AGMO: variants seen among roughly 807,000 people sequenced by gnomAD.
AGMO encodes alkylglycerol monooxygenase.
AGMO carries 75 observed loss-of-function variants against 60.2 expected under a neutral mutation model. The observed-to-expected ratio is 1.25, with a 90% CI of 1.03 to 1.51. AGMO has a LOEUF of 1.51. Ranked by LOEUF, AGMO falls within the 40% of genes most tolerant of loss-of-function variation. AGMO has a pLI of 0.00. For synonymous variants in AGMO, 261 were observed against 177.1 expected, an observed-to-expected ratio of 1.47 and a Z score of -3.76; for missense variants, 763 against 525.5, an observed-to-expected ratio of 1.45 and a Z score of -4.42.
chr7:15,122,873 A>C, the AGMO span, among the ~76,000 whole-genome samples: 127,962 of 151,958 alleles, frequency 0.84, 55,707 homozygotes, highest in East Asian at 0.99. Flanking sequence ...CCAGAGTGAA[A>C]CATTTAAAAC....
At chr7:15,269,291 C>A (rs558259808) in intron 12 of AGMO, among the ~76,000 whole-genome samples, 7 of 152,078 alleles carry the variant, frequency 4.6e-5, no homozygotes, top group African/African-American at 1.7e-4. Context: ...GTGAGTATAA[C>A]GCAATGAGAG....
intron 3 of AGMO, among the ~76,000 whole-genome samples, chr7:15,490,442 C>A (rs1783040481): frequency 6.6e-6 from 1 of 150,918 alleles, no homozygotes; most frequent in African/African-American, 2.5e-5. Context: ...GTCCCCTGTG[C>A]TATGATGAGA....
chr7:15,557,704 G>T (rs1001011640), intron 2 of AGMO, among the ~76,000 whole-genome samples: 1 of 151,818 alleles, frequency 6.6e-6, no homozygotes, highest in Non-Finnish European at 1.5e-5. Flanking sequence ...GGATCTTTCA[G>T]ACAAGGCTGT....
intron 12 of AGMO, among the ~76,000 whole-genome samples, chr7:15,262,982 G>T (rs1193949237): frequency 6.6e-6 from 1 of 151,816 alleles, no homozygotes; most frequent in Non-Finnish European, 1.5e-5. Context: ...GATTCTAGAA[G>T]ATAACATTGT....
At position 15,411,408 on chromosome 7, in the gene AGMO, G is replaced by A. The variant is rs1295551157; in HGVS notation, c.609+7150C>T. Among the ~76,000 whole-genome samples, 3 of 152,036 alleles carry A rather than the reference G, an allele frequency of 2.0e-5. No homozygotes were observed. In the East Asian group the frequency reaches 5.8e-4, roughly 29 times the overall value. On this transcript the variant is annotated intron_variant, in intron 5 of 12. Transcript: ENST00000342526. ...AACTCCGTGCAAGTTCATAGGCACA[G>A]TAACAAATAAAATCAGGAGCCAAAC...
At chr7:15,486,711 T>C (rs1055053826) in intron 3 of AGMO, among the ~76,000 whole-genome samples, 1 of 152,202 alleles carries the variant, frequency 6.6e-6, no homozygotes, top group East Asian at 1.9e-4. Flanking sequence ...AATGTTCGCT[T>C]TAGATTTCTA....
At chr7:15,299,000 T>C (rs1003952780) in intron 12 of AGMO, among the ~76,000 whole-genome samples, 1 of 152,110 alleles carries the variant, frequency 6.6e-6, no homozygotes, top group Non-Finnish European at 1.5e-5. Context: ...ACTCCCTACT[T>C]TGTGATTTCT....
chr7:15,147,793 C>T, the AGMO span, among the ~76,000 whole-genome samples: 32 of 152,078 alleles, frequency 2.1e-4, no homozygotes, highest in East Asian at 3.3e-3. Context: ...CATAGTCAGA[C>T]GTACACAGAC....
chr7:15,180,588 T>C, the AGMO span, among the ~76,000 whole-genome samples: 2 of 151,788 alleles, frequency 1.3e-5, no homozygotes, highest in Non-Finnish European at 2.9e-5. Flanking sequence ...AGACTTTCCC[T>C]ACTCTGCTCT....
downstream of AGMO, among the ~76,000 whole-genome samples, chr7:15,198,136 G>C (rs1380462408): frequency 2.0e-5 from 3 of 150,596 alleles, no homozygotes; most frequent in Non-Finnish European, 3.0e-5. Flanking sequence ...TGCAAAGTCA[G>C]TTTGCATCTC....
chr7:15,515,975 T>C (rs902850752), intron 3 of AGMO, among the ~76,000 whole-genome samples: 2 of 152,116 alleles, frequency 1.3e-5, no homozygotes, highest in African/African-American at 4.8e-5. Flanking sequence ...TACACCATGG[T>C]GACTACAGTG....
intron 3 of AGMO, among the ~76,000 whole-genome samples, chr7:15,470,673 C>G (rs1433593336): frequency 6.6e-6 from 1 of 151,838 alleles, no homozygotes; most frequent in Non-Finnish European, 1.5e-5. Flanking sequence ...AAATACTTTC[C>G]TGGTTTTTTT....
intron 4 of AGMO, among the ~76,000 whole-genome samples, chr7:15,419,693 C>G (rs1780873839): frequency 6.6e-6 from 1 of 151,108 alleles, no homozygotes; most frequent in African/African-American, 2.4e-5. Context: ...TTAATATAAA[C>G]ATGTTATTAA....
At chr7:15,361,587 C>T (rs984656202) in intron 12 of AGMO, among the ~76,000 whole-genome samples, 5 of 142,548 alleles carry the variant, frequency 3.5e-5, no homozygotes, top group African/African-American at 1.3e-4. Context: ...GACATCTATG[C>T]TCATTAAAGA....
rs1554261757 is a variant in AGMO, at chr7:15,361,546, A to AAAAAAAAAGAAAAAAAAAAAAG, written c.1263+3967_1263+3968insCTTTTTTTTTTTTCTTTTTTTT. The stretch of plus-strand genomic sequence containing the variant: ...CAGAGCGAGACTGTGTCTCAAAAAA[A>AAAAAAAAAGAAAAAAAAAAAAG]AAAAAAAAGGTTTTGAGATTTAGAT... On this transcript the variant is annotated intron_variant, in intron 12 of 12. Transcript: ENST00000342526. Among the ~76,000 whole-genome samples, 3 of 91,408 alleles carry AAAAAAAAAGAAAAAAAAAAAAG rather than the reference A, an allele frequency of 3.3e-5. 1 individual carries two copies. Among genetic ancestry groups the AAAAAAAAAGAAAAAAAAAAAAG allele is most frequent in the Non-Finnish European group, 6.5e-5 (3 of 46,262 alleles). 60.0% of individuals were successfully genotyped at this position (91,408 alleles called of 152,430 possible). A position where few individuals can be genotyped will look rare whatever the true frequency, so the allele number is the denominator to read the frequency against.
intron 12 of AGMO, among the ~76,000 whole-genome samples, chr7:15,335,958 A>G (rs1583421608): frequency 6.6e-6 from 1 of 152,178 alleles, no homozygotes; most frequent in African/African-American, 2.4e-5. Context: ...TTTGTAATAT[A>G]TCTCCATCAT....
rs185377123 is a variant in AGMO at position 15,230,555 on chromosome 7, A to G, written c.1264-29196T>C. Among the ~76,000 whole-genome samples the G allele has an allele frequency of 2.0e-5, 3 of 152,142 alleles. No homozygotes were observed. The South Asian group carries it at 6.2e-4, about 32-fold the overall frequency. ...ATTCTGAAGATATTTTCAGTAAAAGACTCAGGCCCTCTGTTGGGTCATGCT... is the reference window on the plus strand; with the variant it reads ...ATTCTGAAGATATTTTCAGTAAAAGGCTCAGGCCCTCTGTTGGGTCATGCT... On this transcript the variant is annotated intron_variant, in intron 12 of 12. Coordinates refer to ENST00000342526, the MANE Select transcript of AGMO (RefSeq NM_001004320.2).
At chr7:15,206,287 C>G (rs1347273117) in intron 12 of AGMO, among the ~76,000 whole-genome samples, 1 of 151,890 alleles carries the variant, frequency 6.6e-6, no homozygotes, top group Non-Finnish European at 1.5e-5. Flanking sequence ...CCCAGTTTCA[C>G]AAATGCCAAC....
At chr7:15,175,523 T>A in the AGMO span, among the ~76,000 whole-genome samples, 1 of 152,030 alleles carries the variant, frequency 6.6e-6, no homozygotes, top group African/African-American at 2.4e-5. Flanking sequence ...TCTATATACT[T>A]ATTTATTTTT....
Sources: gnomAD v4.1 joint callset for allele counts (sites outside exome capture counted in the v4.1 genomes callset) on GRCh38, gnomAD v4.1.1 for gene constraint, MANE v1.5 for transcripts, NCBI Gene and HGNC (gene_info 2026-07-23, HGNC 2026-07-21) for gene names.